Variants in BNC2 observed in about 807,000 individuals in gnomAD.
BNC2 encodes the protein basonuclin zinc finger protein 2.
A neutral mutation model predicts 76.3 loss-of-function variants in BNC2; 20 were observed. That is an observed-to-expected ratio of 0.26 (90% CI 0.18 to 0.38). The LOEUF is 0.38. Ranked by LOEUF, BNC2 falls within the 10% of genes least tolerant of loss-of-function variation. The probability of loss-of-function intolerance (pLI) is 1.00; values close to 1 mark genes in which losing one functional copy is unlikely to be tolerated. For synonymous variants in BNC2, 582 were observed against 514.8 expected (o/e 1.13, Z -1.77); for missense variants, 1,382 against 1,399.8 (o/e 0.99, Z 0.20).
chr9:16,679,521 T>C (rs892515025), intron 3 of BNC2, among the ~76,000 whole-genome samples: 2 of 152,202 alleles, frequency 1.3e-5, no homozygotes, highest in African/African-American at 4.8e-5. Context: ...AACAGCCTCA[T>C]TTATTCCTGA....
rs183609355 is a variant in BNC2, at chr9:16,554,750, C to A, written c.434-1985G>T. Among the ~76,000 whole-genome samples the A allele has an allele frequency of 1.3e-3, 202 of 152,290 alleles. 1 individual carries two copies. Among genetic ancestry groups the A allele is most frequent in the Middle Eastern group, 6.8e-3 (2 of 294 alleles). On this transcript the variant is annotated intron_variant, in intron 4 of 6. Transcript: ENST00000380672. Reference sequence around the variant, plus strand: ...CAGTGACCAGATCGGGGGCGATCTGCTCCTCCTCCATTTCCCTTCATCAGC... The same window carrying A: ...CAGTGACCAGATCGGGGGCGATCTGATCCTCCTCCATTTCCCTTCATCAGC...
intron 1 of BNC2, among the ~76,000 whole-genome samples, chr9:16,748,268 C>T (rs892602275): frequency 6.6e-6 from 1 of 152,158 alleles, no homozygotes; most frequent in African/African-American, 2.4e-5. Context: ...AATCCCAGCA[C>T]TTTGGGAGGC....
At chr9:16,786,116 G>C (rs1826286454) in intron 1 of BNC2, among the ~76,000 whole-genome samples, 3 of 152,194 alleles carry the variant, frequency 2.0e-5, no homozygotes, top group South Asian at 2.1e-4. Flanking sequence ...GAGTGGCTTA[G>C]AATGGCTGAT....
intron 4 of BNC2, among the ~76,000 whole-genome samples, chr9:16,562,908 A>T (rs1819056655): frequency 6.6e-6 from 1 of 152,206 alleles, no homozygotes; most frequent in Non-Finnish European, 1.5e-5. Flanking sequence ...CATGTGTATT[A>T]TAAGCTGAAT....
intron 3 of BNC2, among the ~76,000 whole-genome samples, chr9:16,696,341 A>G (rs1729898027): frequency 6.6e-6 from 1 of 152,180 alleles, no homozygotes; most frequent in Non-Finnish European, 1.5e-5. Flanking sequence ...TCTAATTAGA[A>G]TATTTTATGT....
chr9:16,478,690 T>G (rs6475057), intron 5 of BNC2, among the ~76,000 whole-genome samples: 25 of 129,436 alleles, frequency 1.9e-4, no homozygotes, highest in Middle Eastern at 9.0e-3. Context: ...GATCACAGAA[T>G]GTACAGATGC....
intron 3 of BNC2, among the ~76,000 whole-genome samples, chr9:16,716,634 G>C (rs762001770): frequency 5.3e-5 from 8 of 152,078 alleles, no homozygotes; most frequent in Non-Finnish European, 1.0e-4. Context: ...TTAAAAACAG[G>C]CTATCTCTGA....
chr9:16,525,718 T>C (rs1011266234), intron 5 of BNC2, among the ~76,000 whole-genome samples: 3 of 152,196 alleles, frequency 2.0e-5, no homozygotes, highest in South Asian at 4.1e-4. Context: ...GTTTACAAGA[T>C]ATATTATTAA....
chr9:16,792,170 T>C (rs1451499770), intron 1 of BNC2, among the ~76,000 whole-genome samples: 1 of 151,556 alleles, frequency 6.6e-6, no homozygotes, highest in Non-Finnish European at 1.5e-5. Flanking sequence ...CACCAGGAAC[T>C]ATTTTAAGAA....
chr9:16,855,498 T>A (rs187777157), intron 1 of BNC2, among the ~76,000 whole-genome samples: 4 of 152,346 alleles, frequency 2.6e-5, no homozygotes, highest in Admixed American at 2.6e-4. Context: ...CTACGCCAAA[T>A]GTACAGCTTG....
At chr9:16,473,052 C>T (rs1218993221) in intron 5 of BNC2, 1 of 152,236 alleles carries the variant, frequency 6.6e-6, no homozygotes, top group Non-Finnish European at 1.5e-5. Flanking sequence ...TGGGAGACTA[C>T]TTTGGAGCTA....
chr9:16,800,792 T>C (rs1352674132), intron 1 of BNC2, among the ~76,000 whole-genome samples: 1 of 152,222 alleles, frequency 6.6e-6, no homozygotes, highest in Non-Finnish European at 1.5e-5. Flanking sequence ...AAAGAAAATG[T>C]ATTTTCAACA....
At chr9:16,541,133 C>T (rs955276925) in intron 5 of BNC2, among the ~76,000 whole-genome samples, 4 of 152,232 alleles carry the variant, frequency 2.6e-5, no homozygotes, top group African/African-American at 9.6e-5. Flanking sequence ...CTCAGTTAAT[C>T]TCCATCGATG....
chr9:16,763,739 A>G (rs1016883146), intron 1 of BNC2, among the ~76,000 whole-genome samples: 8 of 152,196 alleles, frequency 5.3e-5, no homozygotes, highest in Non-Finnish European at 8.8e-5. Context: ...TTACTTTCCA[A>G]TGATAAAATC....
chr9:16,524,307 GC>G (rs1270016249), intron 5 of BNC2, among the ~76,000 whole-genome samples: 2 of 152,176 alleles, frequency 1.3e-5, no homozygotes, highest in African/African-American at 4.8e-5. Context: ...AGTGAATGGG[GC>G]TTCAGCTCAG....
chr9:16,501,733 C>T (rs775380655), intron 5 of BNC2, among the ~76,000 whole-genome samples: 5 of 152,114 alleles, frequency 3.3e-5, no homozygotes, highest in Non-Finnish European at 7.3e-5. Flanking sequence ...AAACGCTGAT[C>T]CCATTAGGGG....
intron 3 of BNC2, among the ~76,000 whole-genome samples, chr9:16,661,843 T>A (rs752515413): frequency 6.6e-6 from 1 of 152,194 alleles, no homozygotes; most frequent in Middle Eastern, 3.2e-3. Flanking sequence ...ACAGAGGTTT[T>A]TAAAAATAAA....
At chr9:16,835,093 A>G (rs1247310837) in intron 1 of BNC2, among the ~76,000 whole-genome samples, 1 of 152,198 alleles carries the variant, frequency 6.6e-6, no homozygotes, top group Non-Finnish European at 1.5e-5. Flanking sequence ...TGAGTTACAG[A>G]GTGTTGTGCA....
At chr9:16,786,153 G>A (rs1019786654) in intron 1 of BNC2, among the ~76,000 whole-genome samples, 1 of 152,198 alleles carries the variant, frequency 6.6e-6, no homozygotes, top group East Asian at 1.9e-4. Context: ...TCATTTGACA[G>A]AGGTAAAATA....
Sources: allele counts gnomAD v4.1 joint callset (sites outside exome capture counted in the v4.1 genomes callset), GRCh38; gene constraint gnomAD v4.1.1; transcripts MANE v1.5; gene names NCBI Gene and HGNC (gene_info 2026-07-23, HGNC 2026-07-21).